R3HDM2: variants seen among roughly 807,000 people sequenced by gnomAD.
R3HDM2 encodes R3H domain containing 2.
R3HDM2 carries 38 observed loss-of-function variants against 124.5 expected under a neutral mutation model. That is an observed-to-expected ratio of 0.31 (90% CI 0.24 to 0.40). R3HDM2 has a LOEUF of 0.40. Ranked by LOEUF, R3HDM2 falls within the 10% of genes least tolerant of loss-of-function variation. R3HDM2 has a pLI of 1.00. For missense variants in R3HDM2, 869 were observed against 1,236.9 expected (o/e 0.70, Z 4.46); for synonymous variants, 391 against 448.0 (o/e 0.87, Z 1.61).
intron 12 of R3HDM2, among the ~76,000 whole-genome samples, chr12:57,286,176 A>T (rs1399191867): frequency 6.6e-6 from 1 of 152,204 alleles, no homozygotes; most frequent in African/African-American, 2.4e-5. Context: ...CCTCATATTC[A>T]TGTAAAATCA....
chr12:57,417,571 T>C lies in R3HDM2; in HGVS notation c.-106+13149A>G, dbSNP rs142150613. ...ATCTAATATGTATAATTTGTTACTA[T>C]ACTCCCATGACATTATCACATTATT... On this transcript the variant is annotated intron_variant, in intron 1 of 23. Coordinates refer to ENST00000402412, the MANE Select transcript of R3HDM2 (RefSeq NM_001394031.1). 4.6e-5 allele frequency among the ~76,000 whole-genome samples: 7 copies of C among 152,342 alleles called. No homozygotes were observed. The East Asian group carries it at 9.6e-4, about 21-fold the overall frequency.
At chr12:57,311,257 G>A (rs1480082745) in intron 2 of R3HDM2, among the ~76,000 whole-genome samples, 1 of 151,650 alleles carries the variant, frequency 6.6e-6, no homozygotes, top group Non-Finnish European at 1.5e-5. Flanking sequence ...ATGGAGTCTC[G>A]CTCTGTCACC....
chr12:57,387,792 G>T (rs1261971426), intron 2 of R3HDM2, among the ~76,000 whole-genome samples: 4 of 152,124 alleles, frequency 2.6e-5, no homozygotes, highest in African/African-American at 9.7e-5. Flanking sequence ...GACAAAAAGT[G>T]TCCAATGGAT....
rs545339165 is a variant in R3HDM2 at position 57,293,569 on chromosome 12, G to A, written c.811-902C>T. Among the ~76,000 whole-genome samples the A allele has an allele frequency of 1.5e-3, 223 of 152,234 alleles. 6 individuals are homozygous for A. The South Asian group carries it at 0.046, about 31-fold the overall frequency. On this transcript the variant is annotated intron_variant, in intron 10 of 23. Transcript: ENST00000402412. ...CCTCATCATGATCTTTCCTCTCCTGGCCTGTAATTGGTGAACACTGTCCAG... is the reference window on the plus strand; with the variant it reads ...CCTCATCATGATCTTTCCTCTCCTGACCTGTAATTGGTGAACACTGTCCAG...
chr12:57,417,758 C>A (rs554110951), intron 1 of R3HDM2, among the ~76,000 whole-genome samples: 1 of 152,132 alleles, frequency 6.6e-6, no homozygotes, highest in African/African-American at 2.4e-5. Context: ...GAATATAGCA[C>A]GTGATGGGAA....
intron 11 of R3HDM2, among the ~76,000 whole-genome samples, chr12:57,292,255 T>C (rs1389770191): frequency 2.0e-5 from 3 of 152,200 alleles, no homozygotes; most frequent in Non-Finnish European, 4.4e-5. Flanking sequence ...AGGAGGGTTT[T>C]AGAGGCAAGA....
At chr12:57,410,433 T>C (rs562925270) in intron 1 of R3HDM2, among the ~76,000 whole-genome samples, 1 of 151,844 alleles carries the variant, frequency 6.6e-6, no homozygotes, top group South Asian at 2.1e-4. Context: ...ATTCAATACA[T>C]GCAAAACAAT....
At chr12:57,419,051 T>C (rs1419570221) in intron 1 of R3HDM2, among the ~76,000 whole-genome samples, 1 of 152,174 alleles carries the variant, frequency 6.6e-6, no homozygotes, top group African/African-American at 2.4e-5. Context: ...TAATATAGCT[T>C]GTAAAGCCCA....
At chr12:57,284,176 A>G in intron 12 of R3HDM2, 120 bp from the exon 13 acceptor site, 1 of 927,816 alleles carries the variant, frequency 1.1e-6, no homozygotes, top group Non-Finnish European at 1.6e-6. Context: ...GGGAGGATGG[A>G]CACTGACTTA....
chr12:57,358,898 T>C (rs560342377), intron 2 of R3HDM2, among the ~76,000 whole-genome samples: 1 of 151,722 alleles, frequency 6.6e-6, no homozygotes, highest in South Asian at 2.1e-4. Flanking sequence ...TACAGGCACA[T>C]GCCACCATGC....
chr12:57,291,996 A>G (rs1242903185), intron 11 of R3HDM2, among the ~76,000 whole-genome samples: 1 of 152,250 alleles, frequency 6.6e-6, no homozygotes, highest in Admixed American at 6.5e-5. Flanking sequence ...GAAGCAAGGT[A>G]AGAAATATAG....
intron 14 of R3HDM2, among the ~76,000 whole-genome samples, chr12:57,274,752 C>A (rs764678964): frequency 1.3e-5 from 2 of 152,070 alleles, no homozygotes; most frequent in African/African-American, 2.4e-5. Context: ...TAGGAATATA[C>A]CTAACCAAGG....
At chr12:57,261,515 C>A (rs1179968484) in intron 19 of R3HDM2, among the ~76,000 whole-genome samples, 5 of 151,808 alleles carry the variant, frequency 3.3e-5, no homozygotes, top group Non-Finnish European at 7.4e-5. Context: ...AAAACAAAGT[C>A]CTCATATTAT....
chr12:57,261,713 C>T (rs2040865217), intron 19 of R3HDM2, among the ~76,000 whole-genome samples: 2 of 137,466 alleles, frequency 1.5e-5, no homozygotes, highest in African/African-American at 5.5e-5. Context: ...AAGCAGGTGG[C>T]ATCTGTTAGC....
At chr12:57,271,717 A>G (rs2043626664) in intron 14 of R3HDM2, among the ~76,000 whole-genome samples, 1 of 152,226 alleles carries the variant, frequency 6.6e-6, no homozygotes, top group Admixed American at 6.5e-5. Context: ...TCCTACAACT[A>G]TGATGGAAGT....
At chr12:57,430,436 G>A (rs931706786) in intron 1 of R3HDM2, 6 of 813,160 alleles carry the variant, frequency 7.4e-6, no homozygotes, top group African/African-American at 1.9e-5. Context: ...CACTGGAAGG[G>A]CGCAATAGTT....
At chr12:57,341,359 C>T (rs1349912520) in intron 2 of R3HDM2, 1 of 957,766 alleles carries the variant, frequency 1.0e-6, no homozygotes, top group Non-Finnish European at 1.2e-6. Flanking sequence ...CAGTTACCAA[C>T]ATCAAGTCAC....
At chr12:57,297,725 A>G (rs1370837995) in intron 7 of R3HDM2, 3 of 350,914 alleles carry the variant, frequency 8.5e-6, no homozygotes, top group East Asian at 1.2e-4. Context: ...ACAATTTTAA[A>G]GGAATTATAA....
chr12:57,428,068 C>T (rs929698546), intron 1 of R3HDM2, among the ~76,000 whole-genome samples: 2 of 150,948 alleles, frequency 1.3e-5, no homozygotes, highest in Non-Finnish European at 3.0e-5. Flanking sequence ...TGCAGTGAGC[C>T]GAGATCATGC....
Sources: allele counts gnomAD v4.1 joint callset (sites outside exome capture counted in the v4.1 genomes callset), GRCh38; gene constraint gnomAD v4.1.1; transcripts MANE v1.5; gene names NCBI Gene and HGNC (gene_info 2026-07-23, HGNC 2026-07-21).